PGM2: variants seen among roughly 807,000 people sequenced by gnomAD.
PGM2 encodes phosphopentomutase.
In PGM2, 57 loss-of-function variants were observed where a neutral mutation model predicts 74.6. That is an observed-to-expected ratio of 0.76 (90% CI 0.62 to 0.95). The LOEUF is 0.95. Ranked by LOEUF, PGM2 falls within the 40% of genes least tolerant of loss-of-function variation. PGM2 has a pLI of 0.00. For missense variants in PGM2, 706 were observed against 741.9 expected (o/e 0.95, Z 0.56); for synonymous variants, 273 against 260.7 (o/e 1.05, Z -0.46).
At position 37,839,459 on chromosome 4, in the gene PGM2, G is replaced by A. The variant is rs111869280; in HGVS notation, c.442-389G>A. 3,949 of 421,884 alleles carry A rather than the reference G, an allele frequency of 9.4e-3. 27 individuals carry two copies. Among genetic ancestry groups the A allele is most frequent in the South Asian group, 0.013 (735 of 57,616 alleles). The allele number at this position is 421,884 out of a possible 1,614,324, so 26.1% of individuals were successfully genotyped here. A position where few individuals can be genotyped will look rare whatever the true frequency, so the allele number is the denominator to read the frequency against. ...GTTTTCCTTAAAAGCAAATGAGAAA[G>A]GAGGAGAGGGAGAAGCAGTTGGAGG... On this transcript the variant is annotated intron_variant, in intron 4 of 13. Coordinates refer to ENST00000381967, the MANE Select transcript of PGM2 (RefSeq NM_018290.4).
At chr4:37,834,860 T>C in intron 3 of PGM2, 136 bp downstream of exon 3, 1 of 462,072 alleles carries the variant, frequency 2.2e-6, no homozygotes, top group Non-Finnish European at 3.9e-6. Flanking sequence ...GTAAATTCTC[T>C]TGGCAACTTT....
intron 2 of PGM2, among the ~76,000 whole-genome samples, chr4:37,833,308 C>A (rs780112923): frequency 1.3e-4 from 20 of 152,180 alleles, no homozygotes; most frequent in Non-Finnish European, 2.6e-4. Flanking sequence ...GTAATCCGAG[C>A]ACTTTAGGAG....
At chr4:37,839,784 A>G (rs977110635) in intron 4 of PGM2, 64 bp from the exon 5 acceptor site, 3 of 904,172 alleles carry the variant, frequency 3.3e-6, no homozygotes, top group Non-Finnish European at 5.6e-6. Flanking sequence ...TAAAATAGAC[A>G]TTTTAAGAAT....
chr4:37,857,317 AG>A (rs1711555733), intron 13 of PGM2, among the ~76,000 whole-genome samples: 1 of 152,228 alleles, frequency 6.6e-6, no homozygotes, highest in Non-Finnish European at 1.5e-5. Context: ...TGCTCATAGA[AG>A]AGTTTTTCCA....
intron 1 of PGM2, 78 bp downstream of exon 1, chr4:37,826,891 T>C: frequency 4.4e-6 from 4 of 913,332 alleles, no homozygotes; most frequent in Non-Finnish European, 6.7e-6. Flanking sequence ...CGCTGCTTGC[T>C]CTGCCTGAGC....
At chr4:37,844,150 A>G (rs186804941) in intron 6 of PGM2, among the ~76,000 whole-genome samples, 1 of 152,300 alleles carries the variant, frequency 6.6e-6, no homozygotes, top group East Asian at 1.9e-4. Context: ...AACCTGAAAT[A>G]ATCAGATTTG....
In PGM2 at chr4:37,850,315, T is replaced by G. The variant is rs745664156; in HGVS notation, c.1544T>G (p.Ile515Ser). 32 of 1,592,276 alleles carry G rather than the reference T, an allele frequency of 2.0e-5. No homozygotes were observed. Among genetic ancestry groups the G allele is most frequent in the Non-Finnish European group, 2.7e-5 (32 of 1,173,980 alleles). Residue 515 changes from isoleucine (I) to serine (S), a missense_variant, in exon 12 of 14, where the codon ATT becomes AGT. By Grantham distance (142) the Ile-to-Ser change is moderately radical. Around this residue, in one of 3 missense-constraint regions of PGM2, gnomAD observed 359 missense variants for 371.1 expected, o/e 0.97. Transcript: ENST00000381967. ...NYPKACGKFE[I>S]SAIRDLTTGY... ...CCAAAAGCTTGTGGCAAATTTGAAA[T>G]TTCTGCCATTAGGGACCTTACAACT...
intron 2 of PGM2, 44 bp downstream of exon 2, chr4:37,830,175 A>G: frequency 1.5e-6 from 2 of 1,346,516 alleles, no homozygotes; most frequent in Non-Finnish European, 1.0e-6. Context: ...TGTATCCCCT[A>G]GCTCATTTTC....
At position 37,861,315 on chromosome 4, in the gene PGM2, A is replaced by G. The variant is rs111686572; in HGVS notation, c.1737-195A>G. Among the ~76,000 whole-genome samples, 146 of 152,270 alleles carry G rather than the reference A, an allele frequency of 9.6e-4. 1 individual carries two copies. The highest frequency in any genetic ancestry group is 3.3e-3 in the African/African-American group (137 of 41,566). ...GAAAAATCTTTGGGAAAAATAATGC[A>G]TATTGTCTCATGGGGTGTTTTGTCT... On this transcript the variant is annotated intron_variant, in intron 13 of 13. Transcript: ENST00000381967.
At chr4:37,826,881 C>T in intron 1 of PGM2, 68 bp downstream of exon 1, 2 of 1,007,556 alleles carry the variant, frequency 2.0e-6, no homozygotes, top group Admixed American at 4.4e-5. Flanking sequence ...CCAGGCGCGG[C>T]GCTGCTTGCT....
At chr4:37,843,199 T>C (rs966293994) in intron 6 of PGM2, among the ~76,000 whole-genome samples, 1 of 152,228 alleles carries the variant, frequency 6.6e-6, no homozygotes, top group Non-Finnish European at 1.5e-5. Flanking sequence ...TTCTGAACTC[T>C]CTATTCTGTT....
chr4:37,838,312 CCT>C (rs1374802963), intron 4 of PGM2, among the ~76,000 whole-genome samples: 1 of 152,202 alleles, frequency 6.6e-6, no homozygotes, highest in Non-Finnish European at 1.5e-5. Context: ...CTGGCACACC[CCT>C]GTTTTATACA....
intron 7 of PGM2, among the ~76,000 whole-genome samples, chr4:37,845,133 T>C (rs1725836340): frequency 6.6e-6 from 1 of 152,188 alleles, no homozygotes; most frequent in African/African-American, 2.4e-5. Flanking sequence ...ATTTGCCGTG[T>C]CTCCTTAATG....
chr4:37,832,640 T>C (rs1350221215), intron 2 of PGM2, among the ~76,000 whole-genome samples: 1 of 152,362 alleles, frequency 6.6e-6, no homozygotes, highest in South Asian at 2.1e-4. Context: ...TATTTTGGGT[T>C]CTGTGTTCAT....
chr4:37,833,527 C>G (rs554249979), intron 2 of PGM2, among the ~76,000 whole-genome samples: 4 of 152,146 alleles, frequency 2.6e-5, no homozygotes, highest in Admixed American at 1.3e-4. Context: ...TGTCACTGCA[C>G]TCCAGCATGG....
At position 37,837,110 on chromosome 4, in the gene PGM2, A is replaced by G. The variant is rs142514849; in HGVS notation, c.357-419A>G. 4.6e-5 allele frequency among the ~76,000 whole-genome samples: 7 copies of G among 152,326 alleles called. No individual in the cohort carries two copies. In the East Asian group the frequency reaches 1.3e-3, roughly 29 times the overall value. On this transcript the variant is annotated intron_variant, in intron 3 of 13. Transcript: ENST00000381967. Reference sequence around the variant, plus strand: ...CCCTGACCTCTCCCTACTAGCTGCCAGTAGCAACTCTCTCCATTTCCCAGC... The same window carrying G: ...CCCTGACCTCTCCCTACTAGCTGCCGGTAGCAACTCTCTCCATTTCCCAGC...
Position 37,840,244 on chromosome 4 carries a change from A to G in PGM2, c.704A>G (p.Lys235Arg). The G allele has an allele frequency of 6.2e-7, 1 of 1,605,648 alleles. No individual in the cohort carries two copies. The highest frequency in any genetic ancestry group is 8.5e-7 in the Non-Finnish European group (1 of 1,172,316). Residue 235 changes from lysine (K) to arginine (R), a missense_variant, in exon 6 of 14, where the codon AAG (lysine) becomes AGG (arginine). Lys to Arg is a conservative substitution (Grantham distance 26). Coordinates refer to ENST00000381967, the MANE Select transcript of PGM2 (RefSeq NM_018290.4). ...INNDYFEDLK[K>R]YCFHRSVNRE... ...AATGACTACTTTGAAGACCTTAAAA[A>G]GTACTGTTTCCACAGGTAAATGAAT...
At chr4:37,838,917 T>C (rs1433795489) in intron 4 of PGM2, among the ~76,000 whole-genome samples, 1 of 151,990 alleles carries the variant, frequency 6.6e-6, no homozygotes, top group African/African-American at 2.4e-5. Flanking sequence ...GGTGAAAGGG[T>C]GGAGGGGACG....
chr4:37,831,132 G>A (rs755876456), intron 2 of PGM2, among the ~76,000 whole-genome samples: 4 of 146,496 alleles, frequency 2.7e-5, no homozygotes, highest in African/African-American at 7.5e-5. Flanking sequence ...AGGCAAGGTC[G>A]TAGTGAGCCG....
Sources: allele counts gnomAD v4.1 joint callset (sites outside exome capture counted in the v4.1 genomes callset), GRCh38; gene constraint gnomAD v4.1.1; regional missense constraint gnomAD v4.1.1; transcripts MANE v1.5; gene names NCBI Gene and HGNC (gene_info 2026-07-23, HGNC 2026-07-21).